The following NEIL3 variants were observed in gnomAD, a reference collection of about 807,000 sequenced individuals.
The protein encoded by NEIL3 is nei like DNA glycosylase 3.
In NEIL3, 48 loss-of-function variants were observed where a neutral mutation model predicts 57.5. That is an observed-to-expected ratio of 0.83 (90% CI 0.66 to 1.06). The LOEUF is 1.06. Ranked by LOEUF, NEIL3 falls within the 50% of genes least tolerant of loss-of-function variation. The probability of loss-of-function intolerance (pLI) is 0.00; values close to 1 mark genes in which losing one functional copy is unlikely to be tolerated. For missense variants in NEIL3, 717 were observed against 739.1 expected (o/e 0.97, Z 0.35); for synonymous variants, 261 against 253.2 (o/e 1.03, Z -0.29).
intron 2 of NEIL3, among the ~76,000 whole-genome samples, chr4:177,326,784 GT>G (rs1288503615): frequency 6.6e-6 from 1 of 151,930 alleles, no homozygotes; most frequent in Admixed American, 6.6e-5. Context: ...AACTAAGTGG[GT>G]TTTTTTGGAG....
chr4:177,346,835 C>T lies in NEIL3; in HGVS notation c.870-4545C>T, dbSNP rs550837198. 5.3e-5 allele frequency among the ~76,000 whole-genome samples: 8 copies of T among 152,016 alleles called. No homozygotes were observed. In the South Asian group the frequency reaches 6.2e-4, roughly 12 times the overall value. On this transcript the variant is annotated intron_variant, in intron 6 of 9. Transcript: ENST00000264596. ...GCCAATGTGGGAAACCCCATCTCTACGAAAAATACAAAAATTAGCTGGGTG... is the reference window on the plus strand; with the variant it reads ...GCCAATGTGGGAAACCCCATCTCTATGAAAAATACAAAAATTAGCTGGGTG...
intron 2 of NEIL3, among the ~76,000 whole-genome samples, chr4:177,327,501 TG>T (rs1313348671): frequency 4.6e-5 from 7 of 152,198 alleles, no homozygotes; most frequent in African/African-American, 1.7e-4. Flanking sequence ...TGTGCCATGG[TG>T]GTTTGCTGCA....
intron 8 of NEIL3, among the ~76,000 whole-genome samples, chr4:177,356,022 A>C (rs547255427): frequency 6.6e-6 from 1 of 152,360 alleles, no homozygotes; most frequent in East Asian, 1.9e-4. Flanking sequence ...TCATGATAGA[A>C]GTTCATTAAG....
intron 1 of NEIL3, among the ~76,000 whole-genome samples, chr4:177,317,134 C>T (rs1422055860): frequency 6.6e-6 from 1 of 152,178 alleles, no homozygotes; most frequent in Admixed American, 6.5e-5. Context: ...TTCACTTGCT[C>T]TTCTGTCAAC....
rs985973295 is a variant in NEIL3 at position 177,329,139 on chromosome 4, A to C, written c.279-6549A>C. 4.6e-5 allele frequency among the ~76,000 whole-genome samples: 7 copies of C among 152,288 alleles called. No individual in the cohort carries two copies. The East Asian group carries it at 9.6e-4, about 21-fold the overall frequency. ...TGGTAAAAGTAATAAGCTGCTATGG[A>C]GATAAAATAGAAGTTTTAAAAATGC... On this transcript the variant is annotated intron_variant, in intron 2 of 9. Coordinates refer to ENST00000264596, the MANE Select transcript of NEIL3 (RefSeq NM_018248.3).
downstream of NEIL3, among the ~76,000 whole-genome samples, chr4:177,364,396 G>C (rs1169006550): frequency 6.6e-6 from 1 of 152,134 alleles, no homozygotes; most frequent in Non-Finnish European, 1.5e-5. Context: ...CTTTTGTCCT[G>C]AGGGCAGAAC....
chr4:177,332,742 G>A (rs965693948), intron 2 of NEIL3, among the ~76,000 whole-genome samples: 2 of 152,128 alleles, frequency 1.3e-5, no homozygotes, highest in South Asian at 4.1e-4. Context: ...GTAAAAGTTT[G>A]TTGAAAATTT....
intron 6 of NEIL3, 139 bp downstream of exon 6, chr4:177,341,781 A>G: frequency 1.4e-6 from 1 of 727,256 alleles, no homozygotes; most frequent in Non-Finnish European, 2.2e-6. Flanking sequence ...CTTGAAAGGA[A>G]ATAGTAAATA....
At chr4:177,315,425 C>T (rs1228762183) in intron 1 of NEIL3, among the ~76,000 whole-genome samples, 5 of 152,054 alleles carry the variant, frequency 3.3e-5, no homozygotes, top group African/African-American at 1.2e-4. Context: ...GTCTTTATTT[C>T]AGAAAAAACT....
chr4:177,322,936 G>C (rs969890677), intron 2 of NEIL3, among the ~76,000 whole-genome samples: 1 of 152,102 alleles, frequency 6.6e-6, no homozygotes, highest in African/African-American at 2.4e-5. Flanking sequence ...ACAGGCCCTA[G>C]TTTGGTTTAA....
chr4:177,351,602 T>TG, intron 7 of NEIL3, 53 bp downstream of exon 7: 1 of 1,382,874 alleles, frequency 7.2e-7, no homozygotes, highest in Non-Finnish European at 1.0e-6. Flanking sequence ...GGGTTAATTA[T>TG]ACAAAGTCAG....
intron 9 of NEIL3, among the ~76,000 whole-genome samples, chr4:177,362,080 C>CGT (rs1735616878): frequency 6.6e-6 from 1 of 152,056 alleles, no homozygotes; most frequent in African/African-American, 2.4e-5. Flanking sequence ...CCATTTTCTG[C>CGT]GTGATTCAAA....
chr4:177,326,849 T>C (rs1734788702), intron 2 of NEIL3, among the ~76,000 whole-genome samples: 1 of 152,208 alleles, frequency 6.6e-6, no homozygotes, highest in Non-Finnish European at 1.5e-5. Flanking sequence ...TCATTTGCAG[T>C]GTATGGAAAT....
In NEIL3 at chr4:177,356,017, A is replaced by AAG. The variant is rs1484584249; in HGVS notation, c.1460+2289_1460+2290insAG. On this transcript the variant is annotated intron_variant, in intron 8 of 9. Coordinates refer to ENST00000264596, the MANE Select transcript of NEIL3 (RefSeq NM_018248.3). ...CTTTAACCCTAATTAGTGCCTCATGATAGAAGTTCATTAAGGAGTTAATTA... is the reference window on the plus strand; with the variant it reads ...CTTTAACCCTAATTAGTGCCTCATGAAGTAGAAGTTCATTAAGGAGTTAATTA... Among the ~76,000 whole-genome samples the AAG allele has an allele frequency of 5.5e-4, 84 of 152,344 alleles. No homozygotes were observed. The Middle Eastern group carries it at 0.01, about 19-fold the overall frequency.
intron 6 of NEIL3, among the ~76,000 whole-genome samples, chr4:177,346,595 A>G (rs922611316): frequency 2.0e-5 from 3 of 152,118 alleles, no homozygotes; most frequent in Non-Finnish European, 4.4e-5. Flanking sequence ...AAGGCTCTCT[A>G]TTGGACCTTT....
At chr4:177,310,306 A>C (rs1017673952) in intron 1 of NEIL3, among the ~76,000 whole-genome samples, 197 bp downstream of exon 1, 1 of 152,210 alleles carries the variant, frequency 6.6e-6, no homozygotes, top group African/African-American at 2.4e-5. Flanking sequence ...GAGGAGGGCT[A>C]GCGTTCTGGG....
intron 1 of NEIL3, among the ~76,000 whole-genome samples, chr4:177,318,541 A>G (rs1013806270): frequency 5.3e-5 from 8 of 152,212 alleles, no homozygotes; most frequent in Middle Eastern, 3.2e-3. Flanking sequence ...GAACTGATAG[A>G]GTAAAATCAG....
At chr4:177,310,144 A>AG (rs1212225797) in intron 1 of NEIL3, 35 bp downstream of exon 1, 2 of 1,513,484 alleles carry the variant, frequency 1.3e-6, no homozygotes. Context: ...TGCAGTCAGC[A>AG]GGGGGGAAAT....
Position 177,336,047 on chromosome 4 carries a change from A to G in NEIL3, c.414-61A>G, listed in dbSNP as rs1734972364. The G allele has an allele frequency of 1.1e-5, 15 of 1,399,278 alleles. No individual in the cohort carries two copies. In the Admixed American group the frequency reaches 2.0e-4, roughly 19 times the overall value. 86.7% of individuals were successfully genotyped at this position (1,399,278 alleles called of 1,614,324 possible). On this transcript the variant is annotated intron_variant, in intron 3 of 9. Transcript: ENST00000264596. ...TGCTTATAGCAAAGCTCATTTTAAA[A>G]GACACTTTGTGAAATTATAACCAGA...
Sources: allele counts gnomAD v4.1 joint callset (sites outside exome capture counted in the v4.1 genomes callset), GRCh38; gene constraint gnomAD v4.1.1; transcripts MANE v1.5; gene names NCBI Gene and HGNC (gene_info 2026-07-23, HGNC 2026-07-21).